Variants in NECAP1 observed in about 807,000 individuals in gnomAD.
The protein encoded by NECAP1 is adaptin ear-binding coat-associated protein 1.
A neutral mutation model predicts 33.4 loss-of-function variants in NECAP1; 13 were observed. The ratio of observed to expected loss-of-function variants is 0.39; its 90% CI spans 0.25 to 0.62. The LOEUF (loss-of-function observed/expected upper bound fraction) is 0.62, where lower values mean the gene tolerates loss of function less well. Among genes scored for constraint, NECAP1 ranks in the 20% least tolerant of loss-of-function variants. NECAP1 has a pLI of 0.52. For synonymous variants in NECAP1, 109 were observed against 125.2 expected, an observed-to-expected ratio of 0.87 and a Z score of 0.86; for missense variants, 272 against 347.4, an observed-to-expected ratio of 0.78 and a Z score of 1.73.
intron 6 of NECAP1, chr12:8,095,261 A>G (rs1265952935): frequency 2.9e-5 from 2 of 69,548 alleles, no homozygotes; most frequent in African/African-American, 1.4e-4. Context: ...TTTTTTTTTG[A>G]GACGGAGTCT....
At position 8,091,853 on chromosome 12, in the gene NECAP1, G is replaced by A; in HGVS notation, c.383+3G>A. ...GTCTCCTTGCAGGATCACTTCAAGT[G>A]AGTGAAGCTTGTCCTTAGTTACGAG... On this transcript the variant is annotated splice_donor_region_variant and intron_variant, in intron 4 of 7. Coordinates refer to ENST00000339754, the MANE Select transcript of NECAP1 (RefSeq NM_015509.4). 6.2e-7 allele frequency: 1 copy of A among 1,611,748 alleles called. No individual in the cohort carries two copies. Among genetic ancestry groups the A allele is most frequent in the South Asian group, 1.1e-5 (1 of 90,446 alleles).
At chr12:8,089,768 C>A in intron 1 of NECAP1, 168 bp from the exon 2 acceptor site, 1 of 612,826 alleles carries the variant, frequency 1.6e-6, no homozygotes, top group South Asian at 2.0e-5. Flanking sequence ...TTGCTTTGGA[C>A]TGTATGTAAC....
intron 1 of NECAP1, 117 bp downstream of exon 1, chr12:8,082,500 C>T: frequency 1.1e-6 from 1 of 903,086 alleles, no homozygotes; most frequent in Non-Finnish European, 1.7e-6. Context: ...ACCTTGCTAG[C>T]CTCCCTACCT....
chr12:8,084,206 C>T (rs755014300), intron 1 of NECAP1, among the ~76,000 whole-genome samples: 2 of 152,126 alleles, frequency 1.3e-5, no homozygotes, highest in Non-Finnish European at 2.9e-5. Flanking sequence ...TGCTTGCTGA[C>T]CTGTGCGCTG....
chr12:8,087,495 A>C (rs1947502453), intron 1 of NECAP1, among the ~76,000 whole-genome samples: 1 of 150,888 alleles, frequency 6.6e-6, no homozygotes, highest in Non-Finnish European at 1.5e-5. Flanking sequence ...TCATCCAAGA[A>C]AAACACATTT....
intron 1 of NECAP1, among the ~76,000 whole-genome samples, chr12:8,085,690 T>C (rs1370599732): frequency 0.026 from 1,477 of 57,836 alleles, 80 homozygotes; most frequent in Non-Finnish European, 0.05. Context: ...AATCTTCTTT[T>C]TTTTTTTTTT....
intron 6 of NECAP1, chr12:8,093,346 T>A (rs1947567131): frequency 5.3e-6 from 2 of 377,570 alleles, no homozygotes; most frequent in Middle Eastern, 7.3e-4. Context: ...ATTTTGGTCA[T>A]GGCTCTGCTA....
chr12:8,087,017 A>ATTTTT lies in NECAP1; in HGVS notation c.96-2919_96-2918insTTTTT, dbSNP rs1565643440. On this transcript the variant is annotated intron_variant, in intron 1 of 7. Transcript: ENST00000339754. ...AACCTATAAAACTATTTTTTTTTAA[A>ATTTTT]AAAAAATTCTTCACTACCCTCTTCC... Among the ~76,000 whole-genome samples the ATTTTT allele has an allele frequency of 1.8e-3, 171 of 97,646 alleles. 1 individual carries two copies. The highest frequency in any genetic ancestry group is 6.7e-3 in the African/African-American group (165 of 24,684). The allele number at this position is 97,646 out of a possible 152,430, so 64.1% of individuals were successfully genotyped here. A position where few individuals can be genotyped will look rare whatever the true frequency, so the allele number is the denominator to read the frequency against.
At chr12:8,084,312 T>A (rs1947468622) in intron 1 of NECAP1, among the ~76,000 whole-genome samples, 1 of 152,188 alleles carries the variant, frequency 6.6e-6, no homozygotes, top group South Asian at 2.1e-4. Context: ...GAAATCAACA[T>A]GCTTTTAGAT....
Position 8,089,941 on chromosome 12 carries a change from C to G in NECAP1, c.101C>G (p.Ser34Cys). The change falls in exon 2 of 8, where the codon TCT becomes TGT. Residue 34 changes from serine (S) to cysteine (C), a missense_variant. Physicochemically the swap from Ser to Cys is moderately radical, Grantham distance 112 (BLOSUM62 -1). Transcript: ENST00000339754. Reference sequence around the variant, plus strand: ...TTCCTCTTTTCCTGTCCTAGGGCCTCTGACTGGAAATTAGACCAGCCTGAT... The same window carrying G: ...TTCCTCTTTTCCTGTCCTAGGGCCTGTGACTGGAAATTAGACCAGCCTGAT... ...PRASNRGYRA[S>C]DWKLDQPDWT... is the part of the protein sequence containing the mutation. The G allele has an allele frequency of 1.2e-6, 2 of 1,613,928 alleles. No individual in the cohort carries two copies. The highest frequency in any genetic ancestry group is 2.2e-5 in the South Asian group (2 of 91,074).
At position 8,093,032 on chromosome 12, in the gene NECAP1, C is replaced by A. The variant is rs371472296; in HGVS notation, c.653C>A (p.Ser218Tyr). Residue 218 changes from serine (S) to tyrosine (Y), a missense_variant, in exon 6 of 8, where the codon TCT (serine) becomes TAT (tyrosine). Physicochemically the swap from Ser to Tyr is moderately radical, Grantham distance 144. Coordinates refer to ENST00000339754, the MANE Select transcript of NECAP1 (RefSeq NM_015509.4). ...NHVTPPPIPK[S>Y]NHGGSDADIL... ...GTCACCCCACCACCCATTCCGAAAT[C>A]TAACCATGGAGGCAGTGATGCAGGT... 7.4e-6 allele frequency: 12 copies of A among 1,614,166 alleles called. No individual in the cohort carries two copies. Among genetic ancestry groups the A allele is most frequent in the East Asian group, 4.5e-5 (2 of 44,882 alleles).
intron 1 of NECAP1, among the ~76,000 whole-genome samples, chr12:8,083,736 T>G (rs1947464768): frequency 6.7e-6 from 1 of 148,168 alleles, no homozygotes. Context: ...GTCGTTTTTT[T>G]TTTTTTTTTT....
chr12:8,089,779 A>G (rs868398616), intron 1 of NECAP1, 157 bp from the exon 2 acceptor site: 10 of 644,630 alleles, frequency 1.6e-5, no homozygotes, highest in Middle Eastern at 4.3e-4. Flanking sequence ...TGTATGTAAC[A>G]TGAGGCATCT....
chr12:8,092,910 G>A lies in NECAP1; in HGVS notation c.531G>A (p.Arg177=). 1 of 1,584,696 alleles carries A rather than the reference G, an allele frequency of 6.3e-7. No homozygotes were observed. The highest frequency in any genetic ancestry group is 2.2e-5 in the East Asian group (1 of 44,574). The change falls in exon 6 of 8, where the codon AGG becomes AGA. Residue 177 remains arginine, a synonymous_variant. Transcript: ENST00000339754. ...AGAAAGGAGGTGCTTCTAAGCCCAG[G>A]ACTGCAAGGGGTGGGGGTCTGAGCT... ...TNKKGGASKP[R]TARGGGLSLL...
intron 6 of NECAP1, among the ~76,000 whole-genome samples, chr12:8,095,104 A>C (rs1397638470): frequency 6.6e-6 from 1 of 152,184 alleles, no homozygotes. Flanking sequence ...CATGGTATGG[A>C]TATACCAGTG....
chr12:8,082,735 T>A, intron 1 of NECAP1: 2 of 248,742 alleles, frequency 8.0e-6, no homozygotes, highest in Non-Finnish European at 1.6e-5. Context: ...CCCTGCGTCC[T>A]TCAGCTTATC....
In NECAP1 at chr12:8,091,819, G is replaced by A. The variant is rs755866954; in HGVS notation, c.352G>A (p.Asp118Asn). The change falls in exon 4 of 8, where the codon GAC becomes AAC. Residue 118 changes from aspartate to asparagine, a missense_variant. By Grantham distance (23) the Asp-to-Asn change is conservative. Transcript: ENST00000339754. ...CTTCACAGATCGGGGAGATGCCTTC[G>A]ACTTTAATGTCTCCTTGCAGGATCA... ...IGFTDRGDAFDFNVSLQDHFK... is the reference protein window; with the variant it reads ...IGFTDRGDAFNFNVSLQDHFK... 3 of 1,613,742 alleles carry A rather than the reference G, an allele frequency of 1.9e-6. No individual in the cohort carries two copies. Among genetic ancestry groups the A allele is most frequent in the Non-Finnish European group, 2.5e-6 (3 of 1,179,960 alleles).
intron 1 of NECAP1, 119 bp downstream of exon 1, chr12:8,082,502 T>A: frequency 1.1e-6 from 1 of 894,294 alleles, no homozygotes; most frequent in Non-Finnish European, 1.7e-6. Context: ...CTTGCTAGCC[T>A]CCCTACCTGG....
At position 8,092,712 on chromosome 12, in the gene NECAP1, T is replaced by C. The variant is rs1947561078; in HGVS notation, c.420T>C (p.Ser140=). ...AGGAATCTGAGATTTCCAAGGAATC[T>C]CAAGAAATGGATGCTCGTCCTAAGT... The part of the protein sequence containing the change: ...VKQESEISKE[S]QEMDARPKLD... The change falls in exon 5 of 8, where the codon TCT becomes TCC. Residue 140 remains serine, a synonymous_variant. Transcript: ENST00000339754. The C allele has an allele frequency of 6.2e-7, 1 of 1,613,666 alleles. No individual in the cohort carries two copies. The highest frequency in any genetic ancestry group is 1.7e-5 in the Admixed American group (1 of 59,992).
Sources: gnomAD v4.1 joint callset for allele counts (sites outside exome capture counted in the v4.1 genomes callset) on GRCh38, gnomAD v4.1.1 for gene constraint, MANE v1.5 for transcripts, NCBI Gene and HGNC (gene_info 2026-07-23, HGNC 2026-07-21) for gene names.